PEX1: variants seen among roughly 807,000 people sequenced by gnomAD.
PEX1 encodes the protein peroxisomal ATPase PEX1.
PEX1 carries 97 observed loss-of-function variants against 152.5 expected under a neutral mutation model. The ratio of observed to expected loss-of-function variants is 0.64; its 90% CI spans 0.54 to 0.75. PEX1 has a LOEUF of 0.75. Among genes scored for constraint, PEX1 ranks in the 30% least tolerant of loss-of-function variants. The probability of loss-of-function intolerance (pLI) is 0.00; values close to 1 mark genes in which losing one functional copy is unlikely to be tolerated. For missense variants in PEX1, 1,357 were observed against 1,516.3 expected (o/e 0.89, Z 1.74); for synonymous variants, 485 against 531.6 (o/e 0.91, Z 1.21).
At chr7:92,517,009 A>G (rs933596611) in intron 5 of PEX1, among the ~76,000 whole-genome samples, 1 of 152,200 alleles carries the variant, frequency 6.6e-6, no homozygotes, top group Non-Finnish European at 1.5e-5. Flanking sequence ...AACACTAGCT[A>G]TGCAATCTCA....
At position 92,504,804 on chromosome 7, in the gene PEX1, T is replaced by C; in HGVS notation, c.1999A>G (p.Ile667Val). The C allele has an allele frequency of 1.2e-6, 2 of 1,614,134 alleles. No individual in the cohort carries two copies. The highest frequency in any genetic ancestry group is 2.2e-5 in the East Asian group (1 of 44,878). ...SVVLLDDLDL[I>V]AGLPAVPEHE... ...TCCGGGACAGCAGGCAGTCCAGCAATGAGGTCAAGGTCATCCAGCAGGACA... is the reference window on the plus strand; with the variant it reads ...TCCGGGACAGCAGGCAGTCCAGCAACGAGGTCAAGGTCATCCAGCAGGACA... Residue 667 changes from isoleucine to valine, a missense_variant, in exon 12 of 24, where the codon ATT becomes GTT. Coordinates refer to ENST00000248633, the MANE Select transcript of PEX1 (RefSeq NM_000466.3).
intron 23 of PEX1, 87 bp from the exon 24 acceptor site, chr7:92,487,628 T>C: frequency 1.7e-6 from 1 of 590,260 alleles, no homozygotes; most frequent in Middle Eastern, 4.7e-4. Flanking sequence ...CACAATTATA[T>C]TTTAAGAAAT....
At chr7:92,512,873 C>T (rs1041327725) in intron 6 of PEX1, among the ~76,000 whole-genome samples, 1 of 151,982 alleles carries the variant, frequency 6.6e-6, no homozygotes, top group African/African-American at 2.4e-5. Context: ...TCAAGCAATC[C>T]TCCCACCTCA....
chr7:92,519,117 C>CT, intron 2 of PEX1, 39 bp from the exon 3 acceptor site: 1 of 1,139,346 alleles, frequency 8.8e-7, no homozygotes, highest in South Asian at 1.2e-5. Context: ...TTTAAAAAAA[C>CT]TTTTCTGTGT....
At chr7:92,526,253 A>G (rs1417779296) in intron 1 of PEX1, among the ~76,000 whole-genome samples, 1 of 152,218 alleles carries the variant, frequency 6.6e-6, no homozygotes, top group Non-Finnish European at 1.5e-5. Flanking sequence ...AGAGATGCCT[A>G]AAGCCTATTC....
chr7:92,490,622 G>A (rs1419611508), intron 21 of PEX1, among the ~76,000 whole-genome samples: 2 of 112,600 alleles, frequency 1.8e-5, no homozygotes, highest in African/African-American at 7.1e-5. Context: ...ATGATAGAGT[G>A]AGACTGTCTC....
chr7:92,493,054 C>G lies in PEX1; in HGVS notation c.3106G>C (p.Ala1036Pro), dbSNP rs754130942. The change falls in exon 20 of 24, where the codon GCA becomes CCA. Residue 1036 changes from alanine to proline, a missense_variant. Physicochemically the swap from Ala to Pro is conservative, Grantham distance 27 (BLOSUM62 -1). Coordinates refer to ENST00000248633, the MANE Select transcript of PEX1 (RefSeq NM_000466.3). Reference protein sequence around the residue: ...LADDVDLQHVASVTDSFTGAD... With the variant: ...LADDVDLQHVPSVTDSFTGAD... Reference sequence around the variant, plus strand: ...CCAGTAAAGGAGTCAGTTACTGATGCTACATGCTGAAGGTCAACATCATCT... The same window carrying G: ...CCAGTAAAGGAGTCAGTTACTGATGGTACATGCTGAAGGTCAACATCATCT... 15 of 1,612,026 alleles carry G rather than the reference C, an allele frequency of 9.3e-6. No individual in the cohort carries two copies. The highest frequency in any genetic ancestry group is 1.3e-5 in the Non-Finnish European group (15 of 1,178,218).
chr7:92,514,120 C>T (rs1792611256), intron 5 of PEX1, among the ~76,000 whole-genome samples, 153 bp from the exon 6 acceptor site: 1 of 152,320 alleles, frequency 6.6e-6, no homozygotes, highest in East Asian at 1.9e-4. Flanking sequence ...TCCATGCAGG[C>T]TGCTATATCA....
intron 11 of PEX1, among the ~76,000 whole-genome samples, chr7:92,505,177 A>T (rs1198651862): frequency 6.6e-6 from 1 of 152,094 alleles, no homozygotes; most frequent in Non-Finnish European, 1.5e-5. Flanking sequence ...TTGGGAAACC[A>T]AGGCAGGCAG....
intron 16 of PEX1, among the ~76,000 whole-genome samples, chr7:92,498,210 A>G (rs980561086): frequency 1.3e-5 from 2 of 152,098 alleles, no homozygotes; most frequent in Admixed American, 6.6e-5. Context: ...CCAGTTATAC[A>G]TTACTAAACT....
At chr7:92,495,350 G>T (rs910277395) in intron 17 of PEX1, among the ~76,000 whole-genome samples, 1 of 152,052 alleles carries the variant, frequency 6.6e-6, no homozygotes, top group African/African-American at 2.4e-5. Flanking sequence ...CTCATTAAAT[G>T]CATGGCAAGT....
intron 1 of PEX1, 69 bp downstream of exon 1, chr7:92,528,238 G>C: frequency 6.5e-7 from 1 of 1,536,048 alleles, no homozygotes. Context: ...GTCCCGCCGC[G>C]TCCCTGAGAG....
rs1345707685 is a variant in PEX1 at position 92,506,264 on chromosome 7, G to A, written c.1884C>T (p.Asp628=). The A allele has an allele frequency of 6.3e-7, 1 of 1,597,304 alleles. No individual in the cohort carries two copies. ...DKLDAHVERV[D]CKALRGKRLE... is the part of the protein sequence containing the mutation. Reference sequence around the variant, plus strand: ...TACTCATACCTCGTAAAGCTTTACAGTCAACTCTCTCCACATGGGCATCCA... The same window carrying A: ...TACTCATACCTCGTAAAGCTTTACAATCAACTCTCTCCACATGGGCATCCA... Residue 628 remains aspartate, a synonymous_variant, in exon 11 of 24, where the codon GAC becomes GAT. Coordinates refer to ENST00000248633, the MANE Select transcript of PEX1 (RefSeq NM_000466.3).
rs1791190751 is a variant in PEX1 at position 92,489,887 on chromosome 7, T to G, written c.3463A>C (p.Ser1155Arg). 6.2e-7 allele frequency: 1 copy of G among 1,614,038 alleles called. No individual in the cohort carries two copies. Among genetic ancestry groups the G allele is most frequent in the East Asian group, 2.2e-5 (1 of 44,880 alleles). Residue 1155 changes from serine (S) to arginine (R), a missense_variant, in exon 22 of 24, where the codon AGC (serine) becomes CGC (arginine). By Grantham distance (110) the Ser-to-Arg change is moderately radical. Transcript: ENST00000248633. The part of the protein sequence containing the change: ...DLSSQCLSAP[S>R]SMTQDLPGVP... ...CCAGGCAAATCCTGAGTCATGGAGC[T>G]TGGTGCAGAGAGACATTGTGAGCTC...
At chr7:92,506,103 C>CTTAAAATTT in intron 11 of PEX1, 145 bp downstream of exon 11, 1 of 34,724 alleles carries the variant, frequency 2.9e-5, no homozygotes, top group South Asian at 3.9e-4. Context: ...CATTAGAAAG[C>CTTAAAATTT]CAAAGAAATT....
chr7:92,516,067 AAAGAAAAGAAAAG>A (rs1562864947), intron 5 of PEX1, among the ~76,000 whole-genome samples: 18 of 134,776 alleles, frequency 1.3e-4, no homozygotes, highest in Middle Eastern at 3.9e-3. Context: ...AAAGAAAAGA[AAAGAAAAGAAAAG>A]AAAAGAAAAG....
intron 1 of PEX1, among the ~76,000 whole-genome samples, chr7:92,523,674 T>G (rs936328282): frequency 6.6e-6 from 1 of 151,966 alleles, no homozygotes; most frequent in Non-Finnish European, 1.5e-5. Flanking sequence ...AATAATAAAT[T>G]TTAAAAATCA....
At chr7:92,510,897 T>C in intron 8 of PEX1, 47 bp downstream of exon 8, 2 of 1,007,340 alleles carry the variant, frequency 2.0e-6, no homozygotes, top group Non-Finnish European at 3.1e-6. Flanking sequence ...TTATCAATCA[T>C]ATGTAACAAA....
In PEX1 at chr7:92,492,984, A is replaced by G; in HGVS notation, c.3176T>C (p.Leu1059Ser). 1 of 1,613,766 alleles carries G rather than the reference A, an allele frequency of 6.2e-7. No individual in the cohort carries two copies. Among genetic ancestry groups the G allele is most frequent in the Admixed American group, 1.7e-5 (1 of 60,020 alleles). Residue 1059 changes from leucine to serine, a missense_variant, in exon 20 of 24, where the codon TTA becomes TCA. By Grantham distance (145) the Leu-to-Ser change is moderately radical. Transcript: ENST00000248633. ...TCCACTCGAGAGCAGCATTCCATGT[A>G]AGGCCTCCAATTGGGCATTGTAAAG... is the stretch of plus-strand genomic sequence containing the variant. ...ALLYNAQLEA[L>S]HGMLLSSGLQ...
Sources: gnomAD v4.1 joint callset for allele counts (sites outside exome capture counted in the v4.1 genomes callset) on GRCh38, gnomAD v4.1.1 for gene constraint, MANE v1.5 for transcripts, NCBI Gene and HGNC (gene_info 2026-07-23, HGNC 2026-07-21) for gene names.